Variants in SRBD1 observed in about 807,000 individuals in gnomAD.
SRBD1 encodes S1 RNA binding domain 1.
A neutral mutation model predicts 115.3 loss-of-function variants in SRBD1; 88 were observed. The observed-to-expected ratio is 0.76, with a 90% CI of 0.64 to 0.91. The LOEUF (loss-of-function observed/expected upper bound fraction) is 0.91, where lower values mean the gene tolerates loss of function less well. Ranked by LOEUF, SRBD1 falls within the 40% of genes least tolerant of loss-of-function variation. SRBD1 has a pLI of 0.00. For synonymous variants in SRBD1, 509 were observed against 407.7 expected, an observed-to-expected ratio of 1.25 and a Z score of -2.99; for missense variants, 1,385 against 1,177.4, an observed-to-expected ratio of 1.18 and a Z score of -2.58.
intron 7 of SRBD1, among the ~76,000 whole-genome samples, chr2:45,578,277 GT>G (rs1673239540): frequency 6.6e-6 from 1 of 152,142 alleles, no homozygotes; most frequent in African/African-American, 2.4e-5. Context: ...TCCCACTGTG[GT>G]TAACCTTAAT....
intron 4 of SRBD1, among the ~76,000 whole-genome samples, chr2:45,592,378 C>T (rs1403672447): frequency 6.6e-6 from 1 of 152,124 alleles, no homozygotes; most frequent in Non-Finnish European, 1.5e-5. Flanking sequence ...ACTGCACATG[C>T]GGGCAGCCCA....
intron 9 of SRBD1, among the ~76,000 whole-genome samples, 178 bp downstream of exon 9, chr2:45,573,029 G>A (rs1041581458): frequency 3.3e-5 from 5 of 152,010 alleles, no homozygotes; most frequent in African/African-American, 9.6e-5. Flanking sequence ...TAACTTCTCC[G>A]GGTCATTACT....
intron 15 of SRBD1, among the ~76,000 whole-genome samples, chr2:45,480,967 G>A (rs1669945850): frequency 1.3e-5 from 2 of 152,148 alleles, no homozygotes; most frequent in Non-Finnish European, 2.9e-5. Flanking sequence ...CTTCATTGTT[G>A]TCTTATTTTA....
intron 14 of SRBD1, among the ~76,000 whole-genome samples, chr2:45,513,187 C>A (rs1671021367): frequency 6.6e-6 from 1 of 152,108 alleles, no homozygotes; most frequent in Admixed American, 6.6e-5. Context: ...AGAACATATC[C>A]ATAGGATAGC....
At chr2:45,432,458 T>G (rs566206181) in intron 16 of SRBD1, among the ~76,000 whole-genome samples, 3 of 152,226 alleles carry the variant, frequency 2.0e-5, no homozygotes, top group Non-Finnish European at 2.9e-5. Flanking sequence ...CTAAGAACAT[T>G]TCTAAGCAAC....
chr2:45,389,900 A>C (rs1328149694), intron 20 of SRBD1, among the ~76,000 whole-genome samples: 1 of 152,234 alleles, frequency 6.6e-6, no homozygotes, highest in Non-Finnish European at 1.5e-5. Flanking sequence ...AGAGGTGATG[A>C]GAATATATAT....
intron 1 of SRBD1, among the ~76,000 whole-genome samples, chr2:45,608,128 G>A (rs1674329470): frequency 6.6e-6 from 1 of 152,120 alleles, no homozygotes; most frequent in African/African-American, 2.4e-5. Context: ...TTAAAATAGG[G>A]ACAGGCAAAC....
chr2:45,545,311 A>AAAAAAAAC (rs1558468100), intron 14 of SRBD1, among the ~76,000 whole-genome samples: 4 of 143,628 alleles, frequency 2.8e-5, no homozygotes, highest in African/African-American at 1.1e-4. Flanking sequence ...AAAAAAAAAA[A>AAAAAAAAC]AAAACAGATG....
intron 14 of SRBD1, among the ~76,000 whole-genome samples, chr2:45,488,639 T>C (rs149551225): frequency 1.3e-5 from 2 of 152,310 alleles, no homozygotes; most frequent in African/African-American, 4.8e-5. Flanking sequence ...TACTCTCCCA[T>C]GATGCCAACT....
At chr2:45,567,643 A>G (rs1009957045) in intron 9 of SRBD1, among the ~76,000 whole-genome samples, 1 of 152,154 alleles carries the variant, frequency 6.6e-6, no homozygotes, top group Non-Finnish European at 1.5e-5. Flanking sequence ...ACATAAAACA[A>G]TATATTCAAT....
At chr2:45,602,281 G>A (rs547299312) in intron 2 of SRBD1, among the ~76,000 whole-genome samples, 198 bp from the exon 3 acceptor site, 8 of 152,204 alleles carry the variant, frequency 5.3e-5, no homozygotes, top group South Asian at 2.1e-4. Flanking sequence ...TAAAAATACC[G>A]CAGTATGCTG....
At chr2:45,485,385 C>G (rs1466305584) in intron 15 of SRBD1, among the ~76,000 whole-genome samples, 2 of 152,132 alleles carry the variant, frequency 1.3e-5, no homozygotes, top group African/African-American at 2.4e-5. Context: ...ATCTCCTTTC[C>G]CATTCCTTTT....
At chr2:45,591,993 A>G (rs1267185710) in intron 4 of SRBD1, among the ~76,000 whole-genome samples, 1 of 152,040 alleles carries the variant, frequency 6.6e-6, no homozygotes, top group Admixed American at 6.6e-5. Context: ...TGTAGGAGGG[A>G]CCCAGGGGGA....
At chr2:45,431,481 G>T (rs954732435) in intron 16 of SRBD1, among the ~76,000 whole-genome samples, 1 of 152,156 alleles carries the variant, frequency 6.6e-6, no homozygotes, top group Non-Finnish European at 1.5e-5. Context: ...CCTTTGCAGG[G>T]ATATGAAGCT....
At position 45,596,988 on chromosome 2, in the gene SRBD1, T is replaced by TCACACA. The variant is rs36095012; in HGVS notation, c.648+2455_648+2460dup. 3.0e-3 allele frequency among the ~76,000 whole-genome samples: 425 copies of TCACACA among 140,954 alleles called. 2 individuals carry two copies. The highest frequency in any genetic ancestry group is 5.6e-3 in the East Asian group (27 of 4,788). 92.5% of individuals were successfully genotyped at this position (140,954 alleles called of 152,430 possible). A position where few individuals can be genotyped will look rare whatever the true frequency, so the allele number is the denominator to read the frequency against. On this transcript the variant is annotated intron_variant, in intron 4 of 20. Transcript: ENST00000263736. ...ACACACACACCCACACCCACAACCC[T>TCACACA]CACACACACACACACACACACACAC...
At position 45,553,665 on chromosome 2, in the gene SRBD1, G is replaced by A; in HGVS notation, c.1475C>T (p.Ser492Phe). 1.2e-6 allele frequency: 2 copies of A among 1,607,088 alleles called. No individual in the cohort carries two copies. The highest frequency in any genetic ancestry group is 1.7e-6 in the Non-Finnish European group (2 of 1,177,078). ...MKILYNSLNDSFKRLIYPLLC... is the reference protein window; with the variant it reads ...MKILYNSLNDFFKRLIYPLLC... Reference sequence around the variant, plus strand: ...AAGAGGATAAATAAGGCGTTTAAAGGAATCATTCAGTGAATTATATAAGAT... The same window carrying A: ...AAGAGGATAAATAAGGCGTTTAAAGAAATCATTCAGTGAATTATATAAGAT... Residue 492 changes from serine to phenylalanine, a missense_variant, in exon 11 of 21, where the codon TCC becomes TTC. Transcript: ENST00000263736.
chr2:45,407,181 C>T (rs1667461432), intron 19 of SRBD1, among the ~76,000 whole-genome samples: 1 of 152,134 alleles, frequency 6.6e-6, no homozygotes, highest in Admixed American at 6.5e-5. Flanking sequence ...CACAGGGTTG[C>T]TGTGTGAGGT....
intron 16 of SRBD1, among the ~76,000 whole-genome samples, chr2:45,446,378 C>A (rs1451097634): frequency 6.6e-6 from 1 of 152,104 alleles, no homozygotes; most frequent in Non-Finnish European, 1.5e-5. Flanking sequence ...AGCAGGGAGT[C>A]CCCTAACCAT....
intron 16 of SRBD1, among the ~76,000 whole-genome samples, chr2:45,432,786 T>C (rs753805694): frequency 6.6e-5 from 10 of 152,214 alleles, no homozygotes; most frequent in Non-Finnish European, 1.3e-4. Context: ...ATTATATTTT[T>C]ATTAAAATTT....
Sources: gnomAD v4.1 joint callset for allele counts (sites outside exome capture counted in the v4.1 genomes callset) on GRCh38, gnomAD v4.1.1 for gene constraint, MANE v1.5 for transcripts, NCBI Gene and HGNC (gene_info 2026-07-23, HGNC 2026-07-21) for gene names.